Variants in DOCK3 observed in about 807,000 individuals in gnomAD.
DOCK3 encodes the protein dedicator of cytokinesis protein 3.
Under a neutral mutation model 265.6 loss-of-function variants are expected in DOCK3, and 60 were observed. The ratio of observed to expected loss-of-function variants is 0.23; its 90% CI spans 0.18 to 0.28. The LOEUF (loss-of-function observed/expected upper bound fraction) is 0.28. Ranked by LOEUF, DOCK3 falls within the 10% of genes least tolerant of loss-of-function variation. DOCK3 has a pLI of 1.00. For missense variants in DOCK3, 1,981 were observed against 2,594.3 expected (o/e 0.76, Z 5.14); for synonymous variants, 881 against 938.0 (o/e 0.94, Z 1.11).
intron 3 of DOCK3, among the ~76,000 whole-genome samples, chr3:50,869,674 A>G (rs547151539): frequency 6.9e-6 from 1 of 145,686 alleles, no homozygotes; most frequent in African/African-American, 2.6e-5. Flanking sequence ...GTGCGACCTG[A>G]TCTTTATTAT....
At chr3:51,236,858 A>C (rs2078370239) in intron 20 of DOCK3, among the ~76,000 whole-genome samples, 1 of 152,208 alleles carries the variant, frequency 6.6e-6, no homozygotes, top group Admixed American at 6.5e-5. Context: ...CAGTTGTTTC[A>C]GAACTAGAGT....
chr3:51,251,000 C>G (rs1446779389), intron 22 of DOCK3, among the ~76,000 whole-genome samples: 1 of 152,156 alleles, frequency 6.6e-6, no homozygotes, highest in Admixed American at 6.5e-5. Flanking sequence ...GGTGTATCTC[C>G]TAATGCTATC....
intron 2 of DOCK3, among the ~76,000 whole-genome samples, chr3:50,794,292 A>G (rs907763764): frequency 6.6e-6 from 1 of 152,078 alleles, no homozygotes; most frequent in Non-Finnish European, 1.5e-5. Context: ...ACCTTTGTTA[A>G]TTTCTGCCTT....
intron 35 of DOCK3, among the ~76,000 whole-genome samples, chr3:51,336,278 A>C (rs943258845): frequency 2.6e-5 from 4 of 151,822 alleles, no homozygotes; most frequent in Non-Finnish European, 5.9e-5. Flanking sequence ...AGACATGAAG[A>C]TTCTCACTGG....
chr3:51,022,162 TA>T (rs1363077829), intron 5 of DOCK3, among the ~76,000 whole-genome samples: 1 of 152,236 alleles, frequency 6.6e-6, no homozygotes, highest in Non-Finnish European at 1.5e-5. Flanking sequence ...TTTTTTATTA[TA>T]GGTAGATAGA....
At chr3:51,295,784 G>A (rs2082046916) in intron 27 of DOCK3, among the ~76,000 whole-genome samples, 1 of 152,046 alleles carries the variant, frequency 6.6e-6, no homozygotes, top group Non-Finnish European at 1.5e-5. Context: ...GGCGTTGGGG[G>A]GTGGGGGGTA....
At chr3:51,040,370 T>C (rs2080434556) in intron 5 of DOCK3, among the ~76,000 whole-genome samples, 1 of 152,166 alleles carries the variant, frequency 6.6e-6, no homozygotes, top group Non-Finnish European at 1.5e-5. Flanking sequence ...AATATTTTGG[T>C]TTCCTAATGA....
At chr3:50,989,150 T>G (rs1256618893) in intron 5 of DOCK3, among the ~76,000 whole-genome samples, 1 of 152,072 alleles carries the variant, frequency 6.6e-6, no homozygotes, top group Non-Finnish European at 1.5e-5. Context: ...ACCCCTGGCT[T>G]GGGCCCACAG....
chr3:51,225,060 A>G (rs1468463155), intron 14 of DOCK3, among the ~76,000 whole-genome samples: 2 of 152,158 alleles, frequency 1.3e-5, no homozygotes, highest in East Asian at 3.9e-4. Flanking sequence ...GTGCACTTGC[A>G]AACAAAAAGA....
intron 2 of DOCK3, among the ~76,000 whole-genome samples, chr3:50,815,431 A>G (rs533922941): frequency 6.6e-6 from 1 of 152,310 alleles, no homozygotes; most frequent in South Asian, 2.1e-4. Flanking sequence ...ATTAGACCAT[A>G]CAAATGTTTG....
At chr3:51,368,379 C>G (rs2110455458) in intron 49 of DOCK3, among the ~76,000 whole-genome samples, 1 of 152,310 alleles carries the variant, frequency 6.6e-6, no homozygotes, top group Middle Eastern at 3.4e-3. Context: ...TTCCAGTGGC[C>G]TTAGCAAAGG....
intron 13 of DOCK3, among the ~76,000 whole-genome samples, chr3:51,210,209 G>C (rs550883362): frequency 6.6e-6 from 1 of 152,330 alleles, no homozygotes; most frequent in Admixed American, 6.5e-5. Flanking sequence ...TGCTTCACCA[G>C]GTTAAGATGA....
intron 1 of DOCK3, among the ~76,000 whole-genome samples, chr3:50,740,950 C>A (rs1171095053): frequency 6.6e-6 from 1 of 151,938 alleles, no homozygotes; most frequent in Non-Finnish European, 1.5e-5. Context: ...TTTTATTACA[C>A]CAAACAAAAA....
At chr3:51,309,624 C>T (rs63016760) in intron 27 of DOCK3, among the ~76,000 whole-genome samples, 1 of 1,808 alleles carries the variant, frequency 5.5e-4, no homozygotes, top group Non-Finnish European at 9.9e-4. Flanking sequence ...AGAGGGAGAG[C>T]GAGAGCGAGA....
chr3:50,864,903 C>T (rs1454585501), intron 3 of DOCK3, among the ~76,000 whole-genome samples: 2 of 151,272 alleles, frequency 1.3e-5, no homozygotes, highest in Non-Finnish European at 3.0e-5. Flanking sequence ...TTTTTTTTTC[C>T]CAGCAGTAGC....
chr3:51,282,510 G>A (rs1007828111), intron 27 of DOCK3, among the ~76,000 whole-genome samples: 6 of 151,778 alleles, frequency 4.0e-5, no homozygotes, highest in African/African-American at 1.2e-4. Context: ...AAACTTATAC[G>A]GGTGTGGTGG....
intron 5 of DOCK3, among the ~76,000 whole-genome samples, chr3:50,937,665 C>T (rs560646286): frequency 6.6e-5 from 10 of 152,136 alleles, no homozygotes; most frequent in Non-Finnish European, 4.4e-5. Context: ...CGAAAAACAA[C>T]AACAGCAGCA....
At chr3:51,249,888 AAAG>A (rs2079103580) in intron 22 of DOCK3, among the ~76,000 whole-genome samples, 1 of 148,220 alleles carries the variant, frequency 6.7e-6, no homozygotes, top group Non-Finnish European at 1.5e-5. Flanking sequence ...GTCTGTGTAG[AAAG>A]AAGTAGACAT....
chr3:51,064,325 CTTTATA>C (rs1022928902), intron 5 of DOCK3, 117 bp from the exon 6 acceptor site: 6 of 1,280,142 alleles, frequency 4.7e-6, no homozygotes, highest in African/African-American at 3.0e-5. Flanking sequence ...TTAAGTTCCT[CTTTATA>C]TTACCTTAGT....
Sources: gnomAD v4.1 joint callset for allele counts (sites outside exome capture counted in the v4.1 genomes callset) on GRCh38, gnomAD v4.1.1 for gene constraint, MANE v1.5 for transcripts, NCBI Gene and HGNC (gene_info 2026-07-23, HGNC 2026-07-21) for gene names.